Variants in RAB35 observed in about 807,000 individuals in gnomAD.
The protein encoded by RAB35 is RAB35, member RAS oncogene family.
Under a neutral mutation model 28.9 loss-of-function variants are expected in RAB35, and 4 were observed. The ratio of observed to expected loss-of-function variants is 0.14; its 90% CI spans 0.07 to 0.32. The LOEUF is 0.32. Ranked by LOEUF, RAB35 falls within the 10% of genes least tolerant of loss-of-function variation. The pLI, the probability that RAB35 is intolerant of heterozygous loss-of-function variation, is 1.00. For missense variants in RAB35, 128 were observed against 274.0 expected (o/e 0.47, Z 3.76); for synonymous variants, 99 against 105.1 (o/e 0.94, Z 0.35).
At chr12:120,107,148 C>T (rs1381378474) in intron 2 of RAB35, among the ~76,000 whole-genome samples, 1 of 151,934 alleles carries the variant, frequency 6.6e-6, no homozygotes, top group Non-Finnish European at 1.5e-5. Flanking sequence ...ACCACCACGC[C>T]CAGCTAATTT....
chr12:120,097,879 C>CTTT (rs1043936271), intron 5 of RAB35, among the ~76,000 whole-genome samples: 30 of 127,708 alleles, frequency 2.3e-4, no homozygotes, highest in Non-Finnish European at 2.8e-4. Flanking sequence ...CAGCTGGAAT[C>CTTT]TTTTTTTTTT....
chr12:120,116,189 C>T (rs781420547), intron 1 of RAB35, among the ~76,000 whole-genome samples: 2 of 152,194 alleles, frequency 1.3e-5, no homozygotes, highest in Non-Finnish European at 2.9e-5. Context: ...TTTATCCCAT[C>T]GAATCCTCAC....
intron 2 of RAB35, among the ~76,000 whole-genome samples, chr12:120,106,941 G>A (rs1260651966): frequency 6.6e-6 from 1 of 151,692 alleles, no homozygotes; most frequent in East Asian, 1.9e-4. Flanking sequence ...TTCTCCACAA[G>A]ATAATCAGAG....
Position 120,099,380 on chromosome 12 carries a change from G to A in RAB35, c.228-226C>T, listed in dbSNP as rs770756737. 462 of 598,958 alleles carry A rather than the reference G, an allele frequency of 7.7e-4. 1 individual carries two copies. Among genetic ancestry groups the A allele is most frequent in the Admixed American group, 1.6e-3 (51 of 32,828 alleles). The allele number at this position is 598,958 out of a possible 1,614,324, so 37.1% of individuals were successfully genotyped here. A position where few individuals can be genotyped will look rare whatever the true frequency, so the allele number is the denominator to read the frequency against. ...TGCCCGCCCGGGGCACCAACAGGGC[G>A]GGAGGGCCAGCCCCTGGGCAGCAGA... On this transcript the variant is annotated intron_variant, in intron 3 of 5. Transcript: ENST00000229340.
chr12:120,096,916 A>G lies in RAB35; in HGVS notation c.*329T>C. 7.5e-7 allele frequency: 1 copy of G among 1,336,380 alleles called. No homozygotes were observed. The highest frequency in any genetic ancestry group is 1.2e-5 in the South Asian group (1 of 81,390). 82.8% of individuals were successfully genotyped at this position (1,336,380 alleles called of 1,614,324 possible). A position where few individuals can be genotyped will look rare whatever the true frequency, so the allele number is the denominator to read the frequency against. On this transcript the variant is annotated 3_prime_UTR_variant, in exon 6 of 6. Transcript: ENST00000229340. ...CTGGCATCAAGAAGGCAAAAGCCAGAGCAGGACGTGGTGTGCGGCCGGGTA... is the reference window on the plus strand; with the variant it reads ...CTGGCATCAAGAAGGCAAAAGCCAGGGCAGGACGTGGTGTGCGGCCGGGTA...
intron 1 of RAB35, among the ~76,000 whole-genome samples, chr12:120,114,481 C>T (rs538771316): frequency 6.6e-6 from 1 of 152,344 alleles, no homozygotes. Context: ...CTTAAGGAGG[C>T]ATTCACACAA....
intron 1 of RAB35, among the ~76,000 whole-genome samples, chr12:120,110,151 T>C (rs1329898131): frequency 1.3e-5 from 2 of 152,028 alleles, no homozygotes; most frequent in Admixed American, 6.6e-5. Flanking sequence ...TTCAGGAAGT[T>C]TGGAAAAAAT....
rs990378262 is a variant in RAB35, at chr12:120,095,404, C to G, written c.*1841G>C. Reference sequence around the variant, plus strand: ...TGGGCTGGAAGCCCCCAGGAACCCCCCTCTTATTGCTTGAATTTGCAAGCA... The same window carrying G: ...TGGGCTGGAAGCCCCCAGGAACCCCGCTCTTATTGCTTGAATTTGCAAGCA... On this transcript the variant is annotated 3_prime_UTR_variant, in exon 6 of 6. Coordinates refer to ENST00000229340, the MANE Select transcript of RAB35 (RefSeq NM_006861.7). 1.3e-5 allele frequency: 2 copies of G among 152,390 alleles called. No homozygotes were observed. Among genetic ancestry groups the G allele is most frequent in the Non-Finnish European group, 2.9e-5 (2 of 67,976 alleles). The allele number at this position is 152,390 out of a possible 1,614,324, so 9.4% of individuals were successfully genotyped here.
chr12:120,103,011 G>A lies in RAB35; in HGVS notation c.227+815C>T, dbSNP rs1045240367. Among the ~76,000 whole-genome samples the A allele has an allele frequency of 1.9e-4, 29 of 152,186 alleles. No homozygotes were observed. The highest frequency in any genetic ancestry group is 7.0e-4 in the African/African-American group (29 of 41,442). On this transcript the variant is annotated intron_variant, in intron 3 of 5. Coordinates refer to ENST00000229340, the MANE Select transcript of RAB35 (RefSeq NM_006861.7). This position sits in a 1 kb window ranked among gnomAD's most constrained non-coding sequence, Gnocchi z 6.1. Reference sequence around the variant, plus strand: ...GCTGCCAGACACCACACCCCGGCACGCACGTTGACGCCTGCAGCAGAGCAC... The same window carrying A: ...GCTGCCAGACACCACACCCCGGCACACACGTTGACGCCTGCAGCAGAGCAC...
chr12:120,102,678 G>A (rs918351785), intron 3 of RAB35, among the ~76,000 whole-genome samples: 4 of 152,210 alleles, frequency 2.6e-5, no homozygotes, highest in South Asian at 2.1e-4. Context: ...CCATGGGGGC[G>A]CTGCACCCCA....
At chr12:120,104,617 C>G (rs1441527569) in intron 2 of RAB35, among the ~76,000 whole-genome samples, 1 of 152,118 alleles carries the variant, frequency 6.6e-6, no homozygotes, top group Non-Finnish European at 1.5e-5. Context: ...TTAAATAGCT[C>G]TCTTGCAGCA....
chr12:120,105,683 G>A (rs535030308), intron 2 of RAB35, among the ~76,000 whole-genome samples: 1 of 151,716 alleles, frequency 6.6e-6, no homozygotes, highest in Non-Finnish European at 1.5e-5. Flanking sequence ...CAGCACTCTG[G>A]GAGGCCGAGG....
chr12:120,114,434 G>A (rs566445923), intron 1 of RAB35, among the ~76,000 whole-genome samples: 1 of 152,208 alleles, frequency 6.6e-6, no homozygotes, highest in African/African-American at 2.4e-5. Flanking sequence ...CACAGGGGGC[G>A]GGTGAGAATA....
At chr12:120,102,067 G>A (rs1041177430) in intron 3 of RAB35, among the ~76,000 whole-genome samples, 2 of 152,194 alleles carry the variant, frequency 1.3e-5, no homozygotes. Flanking sequence ...GGACGGGGCA[G>A]GAAGGCAGGG....
intron 1 of RAB35, among the ~76,000 whole-genome samples, chr12:120,109,030 G>C (rs1482251978): frequency 2.6e-5 from 4 of 152,208 alleles, no homozygotes; most frequent in Admixed American, 2.6e-4. Flanking sequence ...TGGTGGAGTG[G>C]AGGGTCTGCC....
In RAB35 at chr12:120,096,312, TG is replaced by T; in HGVS notation, c.*932del. 1.3e-6 allele frequency: 1 copy of T among 747,944 alleles called. No homozygotes were observed. The highest frequency in any genetic ancestry group is 1.9e-6 in the Non-Finnish European group (1 of 533,884). The allele number at this position is 747,944 out of a possible 1,614,324, so 46.3% of individuals were successfully genotyped here. A position where few individuals can be genotyped will look rare whatever the true frequency, so the allele number is the denominator to read the frequency against. On this transcript the variant is annotated 3_prime_UTR_variant, in exon 6 of 6. Transcript: ENST00000229340. ...TTTTTCTAAAAACAGTGGACACAAG[TG>T]GGGTGGCCTCAACTTTTGCTGCTGT...
Position 120,096,608 on chromosome 12 carries a change from C to T in RAB35, c.*637G>A. ...GGCAAGACCTGCCACCTCTGTGGAACTGCAGGGCCTGCCTTGAGACCAGGT... is the reference window on the plus strand; with the variant it reads ...GGCAAGACCTGCCACCTCTGTGGAATTGCAGGGCCTGCCTTGAGACCAGGT... On this transcript the variant is annotated 3_prime_UTR_variant, in exon 6 of 6. Transcript: ENST00000229340. 7.8e-7 allele frequency: 1 copy of T among 1,289,902 alleles called. No homozygotes were observed. Among genetic ancestry groups the T allele is most frequent in the Non-Finnish European group, 1.0e-6 (1 of 988,888 alleles). 79.9% of individuals were successfully genotyped at this position (1,289,902 alleles called of 1,614,324 possible). A position where few individuals can be genotyped will look rare whatever the true frequency, so the allele number is the denominator to read the frequency against.
intron 5 of RAB35, 92 bp downstream of exon 5, chr12:120,098,719 T>C: frequency 6.5e-7 from 1 of 1,547,822 alleles, no homozygotes; most frequent in Non-Finnish European, 8.7e-7. Context: ...TATGACATTT[T>C]CTGTTGGTCA....
chr12:120,107,866 C>CAAAAAAAAAA (rs57274207), intron 2 of RAB35, among the ~76,000 whole-genome samples: 6 of 31,990 alleles, frequency 1.9e-4, no homozygotes, highest in Non-Finnish European at 2.8e-4. Flanking sequence ...GACTCCATCT[C>CAAAAAAAAAA]AAAAAAAAAA....
Sources: allele counts gnomAD v4.1 joint callset (sites outside exome capture counted in the v4.1 genomes callset), GRCh38; gene constraint gnomAD v4.1.1; non-coding constraint Gnocchi (gnomAD v3.1); transcripts MANE v1.5; gene names NCBI Gene and HGNC (gene_info 2026-07-23, HGNC 2026-07-21).